Variants in ADCY10 observed in about 807,000 individuals in gnomAD.
The protein encoded by ADCY10 is adenylate cyclase 10, also known as adenylate cyclase type 10.
In ADCY10, 156 loss-of-function variants were observed where a neutral mutation model predicts 183.3. The observed-to-expected ratio is 0.85, with a 90% CI of 0.75 to 0.97. The LOEUF is 0.97. ADCY10 is among the 50% of genes least tolerant of loss of function. The pLI is 0.00. For synonymous variants in ADCY10, 645 were observed against 670.0 expected, an observed-to-expected ratio of 0.96 and a Z score of 0.58; for missense variants, 1,745 against 1,934.3, an observed-to-expected ratio of 0.90 and a Z score of 1.84.
At chr1:167,821,932 T>G in intron 30 of ADCY10, 92 bp downstream of exon 30, 2 of 899,868 alleles carry the variant, frequency 2.2e-6, no homozygotes, top group Middle Eastern at 4.2e-4. Flanking sequence ...AGGTATAAAT[T>G]ATGAATACTT....
intron 16 of ADCY10, among the ~76,000 whole-genome samples, chr1:167,857,292 C>T (rs1053544130): frequency 1.2e-4 from 19 of 152,272 alleles, no homozygotes; most frequent in African/African-American, 4.6e-4. Flanking sequence ...GCTTGACAGT[C>T]ATTATAAAGT....
chr1:167,902,463 G>A (rs1479995316), intron 3 of ADCY10, among the ~76,000 whole-genome samples: 1 of 152,238 alleles, frequency 6.6e-6, no homozygotes, highest in Non-Finnish European at 1.5e-5. Context: ...CTAGGAGTCA[G>A]GGAATGGGAA....
Position 167,878,458 on chromosome 1 carries a change from C to T in ADCY10, c.1394G>A (p.Arg465His), listed in dbSNP as rs77875361. ...DSGPLYQYWG[R>H]TEKVMFGMAC... ...GCTCCACACTCACACTTTCTCAGTA[C>T]GGCCCCAATACTGATACAATGGTCC... is the stretch of plus-strand genomic sequence containing the variant. The change falls in exon 12 of 33, where the codon CGT becomes CAT. Residue 465 changes from arginine to histidine, a missense_variant. Physicochemically the swap from Arg to His is conservative, Grantham distance 29. Transcript: ENST00000367851. 4.6e-4 allele frequency: 749 copies of T among 1,613,864 alleles called. 4 individuals carry two copies. In the African/African-American group the frequency reaches 8.6e-3, roughly 19 times the overall value.
At chr1:167,840,158 G>T (rs914070787) in intron 21 of ADCY10, among the ~76,000 whole-genome samples, 1 of 151,880 alleles carries the variant, frequency 6.6e-6, no homozygotes, top group South Asian at 2.1e-4. Flanking sequence ...CTTGAGCCTG[G>T]AAGTTTGAGG....
intron 18 of ADCY10, among the ~76,000 whole-genome samples, chr1:167,850,807 C>T (rs1353422775): frequency 6.6e-6 from 1 of 151,698 alleles, no homozygotes; most frequent in Non-Finnish European, 1.5e-5. Context: ...CCATTCTTTC[C>T]ATCACTCAAC....
chr1:167,821,475 A>G (rs2101857086), intron 30 of ADCY10, among the ~76,000 whole-genome samples: 1 of 152,356 alleles, frequency 6.6e-6, no homozygotes, highest in South Asian at 2.1e-4. Context: ...GAGCCAGTGA[A>G]GCCAACAGGG....
At chr1:167,821,957 C>A in intron 30 of ADCY10, 67 bp downstream of exon 30, 1 of 1,118,812 alleles carries the variant, frequency 8.9e-7, no homozygotes, top group Non-Finnish European at 1.4e-6. Context: ...AAAGATTTTT[C>A]AAGAACTCTT....
At chr1:167,832,117 G>A (rs17482924) in intron 25 of ADCY10, among the ~76,000 whole-genome samples, 13,343 of 152,166 alleles carry the variant, frequency 0.088, 651 homozygotes, top group Middle Eastern at 0.12. Context: ...TAGCTTGCTC[G>A]TAGGAATAGA....
chr1:167,847,082 T>C (rs1190416789), intron 19 of ADCY10, among the ~76,000 whole-genome samples: 1 of 151,910 alleles, frequency 6.6e-6, no homozygotes, highest in Non-Finnish European at 1.5e-5. Flanking sequence ...CCCACCACCA[T>C]GCCCGGCTAA....
chr1:167,859,265 C>T (rs991546528), intron 16 of ADCY10, among the ~76,000 whole-genome samples: 5 of 152,098 alleles, frequency 3.3e-5, no homozygotes, highest in African/African-American at 9.7e-5. Context: ...AGCAGACAGT[C>T]GTGATATTAC....
chr1:167,856,498 A>T (rs2102025415), intron 16 of ADCY10, 59 bp from the exon 17 acceptor site: 2 of 1,544,268 alleles, frequency 1.3e-6, no homozygotes, highest in East Asian at 4.5e-5. Flanking sequence ...TTTTTTACAC[A>T]TGTATGGGTA....
chr1:167,841,650 G>A (rs1017359896), intron 21 of ADCY10, among the ~76,000 whole-genome samples: 9 of 151,714 alleles, frequency 5.9e-5, no homozygotes, highest in Admixed American at 3.9e-4. Context: ...ACAAGCCATC[G>A]CACCTGGCTA....
intron 22 of ADCY10, 72 bp downstream of exon 22, chr1:167,837,177 A>G: frequency 7.2e-7 from 1 of 1,386,498 alleles, no homozygotes; most frequent in Admixed American, 1.7e-5. Context: ...CAGACAAATG[A>G]TTCTAATAGT....
intron 8 of ADCY10, among the ~76,000 whole-genome samples, chr1:167,890,803 A>G (rs1464817062): frequency 1.3e-5 from 2 of 152,146 alleles, no homozygotes; most frequent in Non-Finnish European, 2.9e-5. Context: ...GTCCTACTCT[A>G]CGTTCAAACA....
At chr1:167,909,514 A>T (rs1477074659) in intron 1 of ADCY10, among the ~76,000 whole-genome samples, 1 of 152,122 alleles carries the variant, frequency 6.6e-6, no homozygotes. Flanking sequence ...AGCCCAACAC[A>T]AATTTGTAAA....
chr1:167,890,551 T>TACTA (rs1016096727), intron 8 of ADCY10, among the ~76,000 whole-genome samples: 1 of 152,168 alleles, frequency 6.6e-6, no homozygotes, highest in Non-Finnish European at 1.5e-5. Flanking sequence ...CCACTGTGAC[T>TACTA]ACTACCAGGC....
intron 16 of ADCY10, among the ~76,000 whole-genome samples, chr1:167,857,341 C>T (rs1042665006): frequency 1.3e-5 from 2 of 152,220 alleles, no homozygotes; most frequent in Non-Finnish European, 2.9e-5. Context: ...TAAGTCTACT[C>T]CTGCAGCCCC....
intron 14 of ADCY10, among the ~76,000 whole-genome samples, chr1:167,865,917 C>T (rs901919599): frequency 6.6e-6 from 1 of 152,208 alleles, no homozygotes; most frequent in Non-Finnish European, 1.5e-5. Context: ...AGTAATAAGT[C>T]ATGCCAAACT....
At chr1:167,811,845 C>G (rs779428984) in intron 31 of ADCY10, among the ~76,000 whole-genome samples, 1 of 152,122 alleles carries the variant, frequency 6.6e-6, no homozygotes, top group African/African-American at 2.4e-5. Flanking sequence ...TCTGGAGAGA[C>G]GGCAGAGTAG....
Sources: gnomAD v4.1 joint callset for allele counts (sites outside exome capture counted in the v4.1 genomes callset) on GRCh38, gnomAD v4.1.1 for gene constraint, MANE v1.5 for transcripts, NCBI Gene and HGNC (gene_info 2026-07-23, HGNC 2026-07-21) for gene names.